The following RABGAP1L variants were observed in gnomAD, a reference collection of about 807,000 sequenced individuals.
RABGAP1L encodes the protein rab GTPase-activating protein 1-like.
In RABGAP1L, 63 loss-of-function variants were observed where a neutral mutation model predicts 137.7. The ratio of observed to expected loss-of-function variants is 0.46; its 90% confidence interval spans 0.37 to 0.56. The LOEUF (loss-of-function observed/expected upper bound fraction) is 0.56, where lower values mean the gene tolerates loss of function less well. Among genes scored for constraint, RABGAP1L ranks in the 20% least tolerant of loss-of-function variants. The pLI is 0.00. For missense variants in RABGAP1L, 1,095 were observed against 1,244.0 expected, an observed-to-expected ratio of 0.88 and a Z score of 1.80; for synonymous variants, 431 against 433.7, an observed-to-expected ratio of 0.99 and a Z score of 0.08.
At chr1:174,351,252 A>G (rs566551688) in intron 11 of RABGAP1L, among the ~76,000 whole-genome samples, 1 of 152,356 alleles carries the variant, frequency 6.6e-6, no homozygotes, top group South Asian at 2.1e-4. Flanking sequence ...TTGTGTACTT[A>G]CTATTACTAG....
At chr1:174,892,245 C>T (rs986798330) in intron 19 of RABGAP1L, among the ~76,000 whole-genome samples, 10 of 152,200 alleles carry the variant, frequency 6.6e-5, no homozygotes, top group Non-Finnish European at 1.0e-4. Flanking sequence ...AGCCGCCACC[C>T]GTGAGCGAAC....
At chr1:174,863,421 C>T (rs1650636297) in intron 19 of RABGAP1L, among the ~76,000 whole-genome samples, 1 of 151,744 alleles carries the variant, frequency 6.6e-6, no homozygotes, top group Non-Finnish European at 1.5e-5. Context: ...TGCCTGTAAT[C>T]CCAGCACTTT....
chr1:174,552,727 C>T (rs1666633701), intron 13 of RABGAP1L, among the ~76,000 whole-genome samples: 2 of 152,054 alleles, frequency 1.3e-5, no homozygotes, highest in Admixed American at 1.3e-4. Flanking sequence ...TTATATTCCT[C>T]CGGGTATATA....
chr1:174,702,552 G>T (rs1375625734), intron 17 of RABGAP1L, among the ~76,000 whole-genome samples: 1 of 152,024 alleles, frequency 6.6e-6, no homozygotes, highest in South Asian at 2.1e-4. Context: ...AGTATAAAAT[G>T]CCTTTAAGGT....
chr1:174,767,561 T>A (rs905497199), intron 18 of RABGAP1L, among the ~76,000 whole-genome samples: 2 of 151,372 alleles, frequency 1.3e-5, no homozygotes, highest in Admixed American at 6.6e-5. Flanking sequence ...TCTCACCCTG[T>A]CACCCAGGCT....
At chr1:174,959,092 C>T (rs1364773463) in intron 20 of RABGAP1L, among the ~76,000 whole-genome samples, 1 of 152,222 alleles carries the variant, frequency 6.6e-6, no homozygotes, top group East Asian at 1.9e-4. Context: ...ATAATCTCCC[C>T]TTGCTTATAG....
intron 14 of RABGAP1L, among the ~76,000 whole-genome samples, chr1:174,663,004 G>C (rs760887332): frequency 2.0e-5 from 3 of 152,180 alleles, no homozygotes; most frequent in African/African-American, 4.8e-5. Flanking sequence ...AAAGTTAACA[G>C]GTTTTAAAAA....
chr1:174,447,981 G>A (rs1654979867), intron 13 of RABGAP1L: 1 of 681,300 alleles, frequency 1.5e-6, no homozygotes, highest in Non-Finnish European at 2.5e-6. Context: ...GGGACTCTCA[G>A]CTGTGACAGA....
At chr1:174,530,835 A>ATACGTACGTACG (rs10593203) in intron 13 of RABGAP1L, among the ~76,000 whole-genome samples, 1 of 126,374 alleles carries the variant, frequency 7.9e-6, no homozygotes, top group Non-Finnish European at 1.5e-5. Flanking sequence ...ACATACATAC[A>ATACGTACGTACG]TACGTACGTT....
intron 13 of RABGAP1L, chr1:174,547,723 C>T: frequency 1.1e-6 from 1 of 878,110 alleles, no homozygotes; most frequent in Non-Finnish European, 1.7e-6. Flanking sequence ...GGGAATTTAT[C>T]TGCAAAGTTT....
chr1:174,656,116 AT>A (rs146941491), intron 14 of RABGAP1L, among the ~76,000 whole-genome samples: 13,993 of 151,542 alleles, frequency 0.092, 853 homozygotes, highest in East Asian at 0.22. Context: ...ATTTATGCCC[AT>A]TTTTTTTTAT....
intron 13 of RABGAP1L, among the ~76,000 whole-genome samples, chr1:174,622,192 A>G (rs1436036436): frequency 6.6e-6 from 1 of 152,220 alleles, no homozygotes; most frequent in Non-Finnish European, 1.5e-5. Context: ...ATCATTAAAA[A>G]GTCAGGAAAG....
intron 1 of RABGAP1L, among the ~76,000 whole-genome samples, chr1:174,167,158 C>G (rs1290022685): frequency 6.6e-6 from 1 of 152,186 alleles, no homozygotes; most frequent in Non-Finnish European, 1.5e-5. Flanking sequence ...ATGCCTCACA[C>G]CAGTTAAATG....
chr1:174,697,364 C>T (rs1679335522), intron 15 of RABGAP1L, among the ~76,000 whole-genome samples: 1 of 151,808 alleles, frequency 6.6e-6, no homozygotes, highest in Non-Finnish European at 1.5e-5. Context: ...CTCAAAACTC[C>T]AGGCTGGAGT....
At chr1:174,906,005 G>A (rs1022566939) in intron 19 of RABGAP1L, among the ~76,000 whole-genome samples, 1 of 152,084 alleles carries the variant, frequency 6.6e-6, no homozygotes, top group Non-Finnish European at 1.5e-5. Context: ...AGCAGAACAA[G>A]GAAGGGGAAG....
chr1:174,700,114 A>G (rs556829401), intron 16 of RABGAP1L, among the ~76,000 whole-genome samples: 71 of 152,374 alleles, frequency 4.7e-4, no homozygotes, highest in African/African-American at 1.7e-3. Flanking sequence ...ATTTTTAAAT[A>G]TAATTCCTAA....
chr1:174,308,645 C>T (rs139758913), intron 11 of RABGAP1L, among the ~76,000 whole-genome samples: 130 of 152,130 alleles, frequency 8.5e-4, no homozygotes, highest in African/African-American at 2.7e-3. Flanking sequence ...GTTCTTTCCC[C>T]ATTGTATGTT....
chr1:174,550,402 T>C (rs1456439114), intron 13 of RABGAP1L, among the ~76,000 whole-genome samples: 1 of 152,208 alleles, frequency 6.6e-6, no homozygotes, highest in Admixed American at 6.5e-5. Flanking sequence ...CCAGTGGCCA[T>C]GCTTCTGAAA....
At chr1:174,225,750 T>C (rs1039323980) in intron 3 of RABGAP1L, among the ~76,000 whole-genome samples, 1 of 152,192 alleles carries the variant, frequency 6.6e-6, no homozygotes, top group Non-Finnish European at 1.5e-5. Context: ...ACCCCTGTGT[T>C]AGAAAGACAG....
Sources: allele counts gnomAD v4.1 joint callset (sites outside exome capture counted in the v4.1 genomes callset), GRCh38; gene constraint gnomAD v4.1.1; transcripts MANE v1.5; gene names NCBI Gene and HGNC (gene_info 2026-07-23, HGNC 2026-07-21).